Variants in CCL17 observed in about 807,000 individuals in gnomAD.
The protein encoded by CCL17 is C-C motif chemokine ligand 17.
In CCL17, 8 loss-of-function variants were observed where a neutral mutation model predicts 7.4. The observed-to-expected ratio is 1.09, with a 90% CI of 0.64 to 1.96. CCL17 has a LOEUF of 1.96. Ranked by LOEUF, CCL17 falls within the 30% of genes most tolerant of loss-of-function variation. CCL17 has a pLI of 0.00. For missense variants in CCL17, 102 were observed against 113.0 expected (o/e 0.90, Z 0.44); for synonymous variants, 40 against 46.1 (o/e 0.87, Z 0.54).
At chr16:57,400,615 G>T (rs1183337697), upstream of CCL17, among the ~76,000 whole-genome samples, 1 of 152,104 alleles carries the variant, frequency 6.6e-6, no homozygotes, top group Non-Finnish European at 1.5e-5. Flanking sequence ...GGGAGCATTG[G>T]GCTGGTTTCC....
At chr16:57,404,253 A>G (rs967840560), upstream of CCL17, among the ~76,000 whole-genome samples, 45 of 152,272 alleles carry the variant, frequency 3.0e-4, no homozygotes, top group African/African-American at 1.0e-3. Flanking sequence ...CGGGAGATTC[A>G]TGGTCCCTCT....
At chr16:57,399,272 C>T in the CCL17 span, among the ~76,000 whole-genome samples, 1 of 152,092 alleles carries the variant, frequency 6.6e-6, no homozygotes, top group Admixed American at 6.6e-5. Flanking sequence ...CGACCACCAT[C>T]AGATCAATGA....
the CCL17 span, among the ~76,000 whole-genome samples, chr16:57,396,174 T>C: frequency 6.6e-6 from 1 of 152,248 alleles, no homozygotes; most frequent in South Asian, 2.1e-4. Flanking sequence ...GTTGTATTGC[T>C]CTGCACTGAC....
upstream of CCL17, among the ~76,000 whole-genome samples, chr16:57,402,432 G>A (rs1902607171): frequency 1.3e-5 from 2 of 152,138 alleles, no homozygotes; most frequent in Non-Finnish European, 1.5e-5. Context: ...ATCTTCCTCG[G>A]GTGCCCAGAG....
rs1324021121 is a variant in CCL17, at chr16:57,415,622, G to A, written c.189-143G>A. 1 of 624,774 alleles carries A rather than the reference G, an allele frequency of 1.6e-6. No individual in the cohort carries two copies. The allele number at this position is 624,774 out of a possible 1,614,324, so 38.7% of individuals were successfully genotyped here. On this transcript the variant is annotated intron_variant, in intron 3 of 3. Transcript: ENST00000219244. The surrounding 1 kb of genome is among the most constrained non-coding windows in gnomAD (Gnocchi z 4.5). Reference sequence around the variant, plus strand: ...GGACAGAGCCTGAAGTCCCAGATCTGCCACCAATGCCCTGTGTGACAGCAG... The same window carrying A: ...GGACAGAGCCTGAAGTCCCAGATCTACCACCAATGCCCTGTGTGACAGCAG...
At chr16:57,410,567 C>T (rs116161559) in intron 1 of CCL17, among the ~76,000 whole-genome samples, 2,672 of 152,292 alleles carry the variant, frequency 0.018, 87 homozygotes, top group African/African-American at 0.061. Context: ...TCCTGATTGC[C>T]CTGACAGACC....
At chr16:57,400,570 G>T (rs531011806), upstream of CCL17, among the ~76,000 whole-genome samples, 27 of 152,096 alleles carry the variant, frequency 1.8e-4, no homozygotes, top group East Asian at 4.6e-3. Flanking sequence ...AGACCAGAAG[G>T]GTCAATTTCC....
At chr16:57,414,774 G>A (rs568442268) in intron 2 of CCL17, among the ~76,000 whole-genome samples, 3 of 151,912 alleles carry the variant, frequency 2.0e-5, no homozygotes, top group Non-Finnish European at 4.4e-5. Flanking sequence ...ACAGGGACGC[G>A]CACAGATGCA....
rs1902863526 is a variant in CCL17 at position 57,415,930 on chromosome 16, G to A, written c.*69G>A. On this transcript the variant is annotated 3_prime_UTR_variant, in exon 4 of 4. Coordinates refer to ENST00000219244, the MANE Select transcript of CCL17 (RefSeq NM_002987.3). The surrounding 1 kb of genome is among the most constrained non-coding windows in gnomAD (Gnocchi z 4.5). ...GGGACCTCCACCGTTGGTGTTCACC[G>A]CCCCCACCCTGAGCGCCTGGGTCCA... The A allele has an allele frequency of 1.0e-5, 11 of 1,051,772 alleles. No homozygotes were observed. The East Asian group carries it at 1.7e-4, about 16-fold the overall frequency. 65.2% of individuals were successfully genotyped at this position (1,051,772 alleles called of 1,614,324 possible).
chr16:57,397,816 G>T, the CCL17 span, among the ~76,000 whole-genome samples: 262 of 152,248 alleles, frequency 1.7e-3, 1 homozygote, highest in African/African-American at 5.8e-3. Context: ...GTAACTGGGC[G>T]CTGGTCCCTA....
At chr16:57,400,260 G>GA (rs1902573230), upstream of CCL17, among the ~76,000 whole-genome samples, 1 of 152,072 alleles carries the variant, frequency 6.6e-6, no homozygotes, top group African/African-American at 2.4e-5. Flanking sequence ...TTGGGAGGCT[G>GA]AGCTAGGAGA....
intron 1 of CCL17, among the ~76,000 whole-genome samples, chr16:57,407,971 A>G (rs1164033530): frequency 6.7e-5 from 10 of 149,228 alleles, no homozygotes; most frequent in Admixed American, 4.7e-4. Flanking sequence ...TCTACCATCC[A>G]TCCATCTATC....
the CCL17 span, among the ~76,000 whole-genome samples, chr16:57,398,115 G>A: frequency 9.5e-4 from 144 of 152,336 alleles, no homozygotes; most frequent in Middle Eastern, 3.4e-3. Flanking sequence ...TGGTATCTAA[G>A]CAGATGGTTG....
At chr16:57,404,753 C>A (rs1465466002), upstream of CCL17, 1 of 154,330 alleles carries the variant, frequency 6.5e-6, no homozygotes, top group Non-Finnish European at 1.5e-5. Flanking sequence ...CATTTTGCAG[C>A]TGTAGAAACT....
chr16:57,413,334 A>ATGCCCATG (rs776218447), intron 1 of CCL17, among the ~76,000 whole-genome samples: 62 of 152,146 alleles, frequency 4.1e-4, no homozygotes, highest in Non-Finnish European at 7.5e-4. Flanking sequence ...CTGCAGAGTG[A>ATGCCCATG]TGCCCATGTG....
At chr16:57,399,847 T>C (rs1902566722), upstream of CCL17, among the ~76,000 whole-genome samples, 1 of 152,202 alleles carries the variant, frequency 6.6e-6, no homozygotes. Context: ...AGCTCAAAGA[T>C]GAGCTCGTGC....
upstream of CCL17, among the ~76,000 whole-genome samples, chr16:57,400,383 A>G (rs1469312229): frequency 6.6e-6 from 1 of 152,142 alleles, no homozygotes; most frequent in Non-Finnish European, 1.5e-5. Flanking sequence ...AAAATATAAA[A>G]GAAAACAGGA....
chr16:57,404,393 C>T (rs569635640), upstream of CCL17, among the ~76,000 whole-genome samples: 7 of 152,172 alleles, frequency 4.6e-5, no homozygotes, highest in East Asian at 1.2e-3. Context: ...CATGAGCTCA[C>T]CCAACAGATG....
the CCL17 span, among the ~76,000 whole-genome samples, chr16:57,398,089 C>T: frequency 4.6e-5 from 7 of 152,150 alleles, no homozygotes; most frequent in Admixed American, 2.0e-4. Flanking sequence ...GCACCGGTCC[C>T]TCAAGGAGTA....
Sources: allele counts gnomAD v4.1 joint callset (sites outside exome capture counted in the v4.1 genomes callset), GRCh38; gene constraint gnomAD v4.1.1; non-coding constraint Gnocchi (gnomAD v3.1); transcripts MANE v1.5; gene names NCBI Gene and HGNC (gene_info 2026-07-23, HGNC 2026-07-21).